Variants in CELF4 observed in about 807,000 individuals in gnomAD.
CELF4 encodes CUG-BP- and ETR-3-like factor 4.
CELF4 carries 18 observed loss-of-function variants against 59.9 expected under a neutral mutation model. That is an observed-to-expected ratio of 0.30 (90% CI 0.21 to 0.45). CELF4 has a LOEUF of 0.45. Among genes scored for constraint, CELF4 ranks in the 20% least tolerant of loss-of-function variants. The pLI is 1.00. For synonymous variants in CELF4, 261 were observed against 267.1 expected (o/e 0.98, Z 0.22); for missense variants, 456 against 689.0 (o/e 0.66, Z 3.79).
intron 2 of CELF4, among the ~76,000 whole-genome samples, chr18:37,391,933 C>A (rs1156598604): frequency 6.6e-6 from 1 of 152,206 alleles, no homozygotes; most frequent in Non-Finnish European, 1.5e-5. Context: ...TCTTACCCCA[C>A]CCTGAAAGCC....
At position 37,510,683 on chromosome 18, in the gene CELF4, G is replaced by A. The variant is rs143705249; in HGVS notation, c.287-25076C>T. Among the ~76,000 whole-genome samples, 341 of 152,316 alleles carry A rather than the reference G, an allele frequency of 2.2e-3. 3 individuals are homozygous for A. Among genetic ancestry groups the A allele is most frequent in the Middle Eastern group, 0.014 (4 of 294 alleles). ...ATGGTGCCAGAGTTTCTCCCTGTAGGATGGTCCAGCAGTAACTTCTCTGCC... is the reference window on the plus strand; with the variant it reads ...ATGGTGCCAGAGTTTCTCCCTGTAGAATGGTCCAGCAGTAACTTCTCTGCC... On this transcript the variant is annotated intron_variant, in intron 1 of 12. Coordinates refer to ENST00000420428, the MANE Select transcript of CELF4 (RefSeq NM_020180.4).
At chr18:37,494,047 C>G (rs1451722911) in intron 1 of CELF4, among the ~76,000 whole-genome samples, 1 of 152,182 alleles carries the variant, frequency 6.6e-6, no homozygotes, top group Non-Finnish European at 1.5e-5. Flanking sequence ...CCAACCTTCT[C>G]TTTCTCTTCT....
At chr18:37,271,960 A>T (rs762569272) in intron 7 of CELF4, among the ~76,000 whole-genome samples, 5 of 152,146 alleles carry the variant, frequency 3.3e-5, no homozygotes, top group Admixed American at 3.3e-4. Flanking sequence ...TCCCTCTGAG[A>T]ATGTGGACCT....
intron 2 of CELF4, among the ~76,000 whole-genome samples, chr18:37,420,004 G>C (rs1284231182): frequency 6.6e-6 from 1 of 152,232 alleles, no homozygotes; most frequent in African/African-American, 2.4e-5. Context: ...TGAGCCATCT[G>C]CTCTTGGTAT....
chr18:37,256,211 G>A (rs906604043), intron 11 of CELF4, among the ~76,000 whole-genome samples: 24 of 152,292 alleles, frequency 1.6e-4, no homozygotes, highest in African/African-American at 5.3e-4. Flanking sequence ...GGGAAGGCCC[G>A]CAGATAGAAT....
intron 2 of CELF4, among the ~76,000 whole-genome samples, chr18:37,365,944 GCC>G (rs2098775512): frequency 2.6e-5 from 4 of 152,274 alleles, no homozygotes; most frequent in Admixed American, 2.6e-4. Flanking sequence ...AGGAACAAGG[GCC>G]CCCTATTGAC....
chr18:37,415,301 G>A (rs979777114), intron 2 of CELF4, among the ~76,000 whole-genome samples: 1 of 152,236 alleles, frequency 6.6e-6, no homozygotes, highest in African/African-American at 2.4e-5. Context: ...GGTGTAGGGT[G>A]TGATAGTGGA....
chr18:37,310,722 G>C (rs536995870), intron 3 of CELF4, among the ~76,000 whole-genome samples: 1 of 152,334 alleles, frequency 6.6e-6, no homozygotes, highest in South Asian at 2.1e-4. Context: ...CGGTGTGCCG[G>C]GGCCAGGGGG....
At chr18:37,355,442 G>A (rs2098547180) in intron 2 of CELF4, among the ~76,000 whole-genome samples, 1 of 152,194 alleles carries the variant, frequency 6.6e-6, no homozygotes, top group African/African-American at 2.4e-5. Flanking sequence ...GGAGGCTGAG[G>A]CAGGTGGATC....
chr18:37,326,405 C>T (rs566345753), intron 2 of CELF4, among the ~76,000 whole-genome samples: 1 of 152,322 alleles, frequency 6.6e-6, no homozygotes, highest in East Asian at 1.9e-4. Context: ...TCAGCTACTC[C>T]TCTCCACCAG....
chr18:37,282,348 C>T (rs1205361681), intron 3 of CELF4, among the ~76,000 whole-genome samples: 1 of 152,168 alleles, frequency 6.6e-6, no homozygotes, highest in Admixed American at 6.5e-5. Context: ...AGGAGGTCTA[C>T]ATGGGTTGTG....
intron 3 of CELF4, among the ~76,000 whole-genome samples, chr18:37,310,470 C>T (rs527884291): frequency 2.6e-5 from 4 of 152,326 alleles, no homozygotes; most frequent in South Asian, 2.1e-4. Flanking sequence ...AAAGTAGGCC[C>T]CCCATTCTGG....
chr18:37,470,871 T>TGACAGAGA (rs1406176161), intron 2 of CELF4, among the ~76,000 whole-genome samples: 43 of 117,076 alleles, frequency 3.7e-4, no homozygotes, highest in African/African-American at 4.3e-4. Flanking sequence ...TGTGTGTGTG[T>TGACAGAGA]GTGTGTGTGT....
intron 1 of CELF4, among the ~76,000 whole-genome samples, chr18:37,526,859 C>T (rs895729278): frequency 1.7e-5 from 2 of 115,924 alleles, no homozygotes; most frequent in East Asian, 5.4e-4. Context: ...GGGTAAGTCA[C>T]GTAACCTGTC....
intron 2 of CELF4, among the ~76,000 whole-genome samples, chr18:37,346,371 G>A (rs1004289594): frequency 6.6e-6 from 1 of 152,214 alleles, no homozygotes; most frequent in East Asian, 1.9e-4. Context: ...GGCTCCAGGG[G>A]AGAAGTGGGG....
chr18:37,540,458 G>C (rs1032567196), intron 1 of CELF4, among the ~76,000 whole-genome samples: 3 of 152,236 alleles, frequency 2.0e-5, no homozygotes, highest in African/African-American at 7.2e-5. Flanking sequence ...TTCCCAAGGA[G>C]CTCTTCCCTT....
At chr18:37,319,807 G>GCCTGGT (rs1190960465) in intron 3 of CELF4, among the ~76,000 whole-genome samples, 1 of 152,238 alleles carries the variant, frequency 6.6e-6, no homozygotes, top group African/African-American at 2.4e-5. Context: ...CTGGGCCTGG[G>GCCTGGT]CCTGGGCCTG....
At chr18:37,398,883 TGA>T (rs2099279416) in intron 2 of CELF4, among the ~76,000 whole-genome samples, 1 of 152,114 alleles carries the variant, frequency 6.6e-6, no homozygotes, top group African/African-American at 2.4e-5. Context: ...CTCGAGTGGC[TGA>T]GAGGATTTAC....
At chr18:37,498,766 G>A (rs1171596003) in intron 1 of CELF4, among the ~76,000 whole-genome samples, 1 of 152,110 alleles carries the variant, frequency 6.6e-6, no homozygotes, top group Non-Finnish European at 1.5e-5. Context: ...AGTTCCGGGA[G>A]AGGGTTGCAC....
Sources: gnomAD v4.1 joint callset for allele counts (sites outside exome capture counted in the v4.1 genomes callset) on GRCh38, gnomAD v4.1.1 for gene constraint, MANE v1.5 for transcripts, NCBI Gene and HGNC (gene_info 2026-07-23, HGNC 2026-07-21) for gene names.